The following PRDM16 variants were observed in gnomAD, a reference collection of about 807,000 sequenced individuals.
PRDM16 encodes histone-lysine N-methyltransferase PRDM16.
In PRDM16, 23 loss-of-function variants were observed where a neutral mutation model predicts 110.6. The observed-to-expected ratio is 0.21, with a 90% CI of 0.15 to 0.29. The LOEUF (loss-of-function observed/expected upper bound fraction) is 0.29. Among genes scored for constraint, PRDM16 ranks in the 10% least tolerant of loss-of-function variants. The pLI, the probability that PRDM16 is intolerant of heterozygous loss-of-function variation, is 1.00. For synonymous variants in PRDM16, 799 were observed against 781.8 expected (o/e 1.02, Z -0.37); for missense variants, 1,615 against 1,794.3 (o/e 0.90, Z 1.81).
rs1401590437 is a variant in PRDM16, at chr1:3,208,150, C to T, written c.387+21676C>T. The T allele has an allele frequency of 6.6e-6, 1 of 152,322 alleles. No homozygotes were observed. Among genetic ancestry groups the T allele is most frequent in the African/African-American group, 2.4e-5 (1 of 41,450 alleles). The allele number at this position is 152,322 out of a possible 1,614,324, so 9.4% of individuals were successfully genotyped here. ...CCACATGGCAGCTCCGTCTACAGCCCGAGGGCCCCATAACCAGCCAGAGTG... is the reference window on the plus strand; with the variant it reads ...CCACATGGCAGCTCCGTCTACAGCCTGAGGGCCCCATAACCAGCCAGAGTG... On this transcript the variant is annotated intron_variant, in intron 2 of 16. Transcript: ENST00000270722. This position sits in a 1 kb window ranked among gnomAD's most constrained non-coding sequence, Gnocchi z 6.1.
At chr1:3,404,940 G>C in intron 7 of PRDM16, 54 bp downstream of exon 7, 16 of 1,578,462 alleles carry the variant, frequency 1.0e-5, no homozygotes, top group Non-Finnish European at 1.4e-5. Context: ...GGCTGCAGAC[G>C]GGCGCCCGCC....
intron 14 of PRDM16, among the ~76,000 whole-genome samples, chr1:3,426,940 C>T (rs1469128767): frequency 2.0e-5 from 3 of 152,156 alleles, no homozygotes; most frequent in Non-Finnish European, 4.4e-5. Context: ...CTCATGCACA[C>T]ACGTGTACAT....
chr1:3,366,226 C>T (rs1642812080), intron 3 of PRDM16, among the ~76,000 whole-genome samples: 1 of 152,236 alleles, frequency 6.6e-6, no homozygotes. Context: ...CCACTGAGCA[C>T]GACCATGACT....
In PRDM16 at chr1:3,382,773, C is replaced by T. The variant is rs914220421; in HGVS notation, c.439-2379C>T. 6.6e-6 allele frequency among the ~76,000 whole-genome samples: 1 copy of T among 152,184 alleles called. No homozygotes were observed. The highest frequency in any genetic ancestry group is 1.5e-5 in the Non-Finnish European group (1 of 68,022). On this transcript the variant is annotated intron_variant, in intron 3 of 16. Transcript: ENST00000270722. This position sits in a 1 kb window ranked among gnomAD's most constrained non-coding sequence, Gnocchi z 6.6. ...AGCTTTGAAGACAAAAATCCGGGTCCCAGGTGGGAGGGCACGGCCCGCCCT... is the reference window on the plus strand; with the variant it reads ...AGCTTTGAAGACAAAAATCCGGGTCTCAGGTGGGAGGGCACGGCCCGCCCT...
chr1:3,426,268 A>G, intron 14 of PRDM16, 43 bp downstream of exon 14: 1 of 1,580,254 alleles, frequency 6.3e-7, no homozygotes, highest in Non-Finnish European at 8.7e-7. Context: ...GGACCCGGCC[A>G]ACAGCCCTGC....
intron 1 of PRDM16, among the ~76,000 whole-genome samples, chr1:3,162,814 C>G (rs931128674): frequency 6.6e-6 from 1 of 151,688 alleles, no homozygotes; most frequent in African/African-American, 2.4e-5. Flanking sequence ...GGTCAAGGGT[C>G]CAGGGTCAAA....
intron 3 of PRDM16, among the ~76,000 whole-genome samples, chr1:3,355,426 C>T (rs1260790779): frequency 6.6e-6 from 1 of 152,166 alleles, no homozygotes; most frequent in Non-Finnish European, 1.5e-5. Flanking sequence ...CCTCCATTTT[C>T]CTGTCTCCCA....
chr1:3,435,692 G>C lies in PRDM16; in HGVS notation c.*1881G>C. 4.3e-6 allele frequency: 1 copy of C among 232,716 alleles called. No homozygotes were observed. The highest frequency in any genetic ancestry group is 8.5e-6 in the Non-Finnish European group (1 of 117,716). 14.4% of individuals were successfully genotyped at this position (232,716 alleles called of 1,614,324 possible). On this transcript the variant is annotated 3_prime_UTR_variant, in exon 17 of 17. Coordinates refer to ENST00000270722, the MANE Select transcript of PRDM16 (RefSeq NM_022114.4). ...GACATCTCCTCAGGCTTTGTGTCAC[G>C]CGTGGACATCTCCTCAGGCTGTCCC...
intron 1 of PRDM16, among the ~76,000 whole-genome samples, chr1:3,093,577 G>A (rs1557440746): frequency 3.3e-5 from 5 of 152,164 alleles, no homozygotes; most frequent in Admixed American, 1.3e-4. Context: ...GTGTCTGGTC[G>A]TGAAGGCTGA....
intron 8 of PRDM16, among the ~76,000 whole-genome samples, chr1:3,407,829 C>T (rs1387473420): frequency 6.6e-6 from 1 of 152,216 alleles, no homozygotes; most frequent in Non-Finnish European, 1.5e-5. Context: ...CTCAACTGGC[C>T]CTGCCCCGCC....
rs1404178929 is a variant in PRDM16 at position 3,219,844 on chromosome 1, G to A, written c.388-24243G>A. Among the ~76,000 whole-genome samples, 3 of 152,156 alleles carry A rather than the reference G, an allele frequency of 2.0e-5. No homozygotes were observed. In the South Asian group the frequency reaches 6.2e-4, roughly 32 times the overall value. On this transcript the variant is annotated intron_variant, in intron 2 of 16. Coordinates refer to ENST00000270722, the MANE Select transcript of PRDM16 (RefSeq NM_022114.4). ...GCTGTCTCCCCACCTCTGGCAAGCC[G>A]GAGGAGGATATCTCAGCAAAGCCAG...
At chr1:3,197,020 G>T (rs1489381265) in intron 2 of PRDM16, among the ~76,000 whole-genome samples, 1 of 152,166 alleles carries the variant, frequency 6.6e-6, no homozygotes, top group Non-Finnish European at 1.5e-5. Context: ...TCACACCACT[G>T]GCTCATCAGC....
At chr1:3,279,007 G>A (rs947343613) in intron 3 of PRDM16, among the ~76,000 whole-genome samples, 2 of 152,220 alleles carry the variant, frequency 1.3e-5, no homozygotes, top group Non-Finnish European at 2.9e-5. Flanking sequence ...GTCTGTCATC[G>A]TCAGCCCTGT....
chr1:3,371,204 TCCACCCAC>T (rs59322933), intron 3 of PRDM16, among the ~76,000 whole-genome samples: 1 of 138,824 alleles, frequency 7.2e-6, no homozygotes. Context: ...CATCCATCCA[TCCACCCAC>T]CCACCCATCC....
At chr1:3,431,450 G>A (rs769954321) in intron 15 of PRDM16, among the ~76,000 whole-genome samples, 4 of 152,236 alleles carry the variant, frequency 2.6e-5, no homozygotes, top group East Asian at 1.9e-4. Flanking sequence ...CTAGAGGGCC[G>A]TGGGCACACG....
At chr1:3,431,463 G>T (rs1000627630) in intron 15 of PRDM16, among the ~76,000 whole-genome samples, 1 of 152,244 alleles carries the variant, frequency 6.6e-6, no homozygotes, top group African/African-American at 2.4e-5. Flanking sequence ...GGCACACGGG[G>T]GCCAAGCACC....
intron 8 of PRDM16, among the ~76,000 whole-genome samples, chr1:3,410,102 G>T (rs1343377382): frequency 1.3e-5 from 2 of 150,742 alleles, no homozygotes; most frequent in African/African-American, 4.9e-5. Flanking sequence ...GTGGTTGTGT[G>T]TGTGCGTGTG....
chr1:3,151,427 G>T (rs1393017930), intron 1 of PRDM16, among the ~76,000 whole-genome samples: 1 of 152,222 alleles, frequency 6.6e-6, no homozygotes, highest in South Asian at 2.1e-4. Context: ...GGTCCACCTT[G>T]CCCAGCCAGG....
chr1:3,249,123 G>C (rs1639865084), intron 3 of PRDM16, among the ~76,000 whole-genome samples: 2 of 152,152 alleles, frequency 1.3e-5, no homozygotes, highest in African/African-American at 4.8e-5. Context: ...GCACCACGCA[G>C]CCGGAGACTG....
Sources: gnomAD v4.1 joint callset for allele counts (sites outside exome capture counted in the v4.1 genomes callset) on GRCh38, gnomAD v4.1.1 for gene constraint, Gnocchi (gnomAD v3.1) non-coding constraint, MANE v1.5 for transcripts, NCBI Gene and HGNC (gene_info 2026-07-23, HGNC 2026-07-21) for gene names.